Variants in PACS2 observed in about 807,000 individuals in gnomAD.
PACS2 encodes PACS1-like protein.
PACS2 carries 36 observed loss-of-function variants against 113.0 expected under a neutral mutation model. That is an observed-to-expected ratio of 0.32 (90% CI 0.24 to 0.42). The LOEUF is 0.42. PACS2 is among the 10% of genes least tolerant of loss of function. The pLI is 1.00. For synonymous variants in PACS2, 589 were observed against 536.1 expected, an observed-to-expected ratio of 1.10 and a Z score of -1.36; for missense variants, 1,015 against 1,239.5, an observed-to-expected ratio of 0.82 and a Z score of 2.72.
chr14:105,369,200 G>A (rs1357670168), intron 7 of PACS2, among the ~76,000 whole-genome samples: 1 of 152,258 alleles, frequency 6.6e-6, no homozygotes. Context: ...ACGGTGCCAG[G>A]GACGGGCAAG....
At position 105,324,693 on chromosome 14, in the gene PACS2, C is replaced by T. The variant is rs190130702; in HGVS notation, c.119+9656C>T. ...GGTCGTCAGCAGCTCCTCGAGGGCTCCGGCCTGTGGAGGCCGGTGGCGCCC... is the reference window on the plus strand; with the variant it reads ...GGTCGTCAGCAGCTCCTCGAGGGCTTCGGCCTGTGGAGGCCGGTGGCGCCC... On this transcript the variant is annotated intron_variant, in intron 1 of 24. Transcript: ENST00000447393. The surrounding 1 kb of genome is among the most constrained non-coding windows in gnomAD (Gnocchi z 4.7). Among the ~76,000 whole-genome samples the T allele has an allele frequency of 2.0e-3, 297 of 152,286 alleles. 1 individual carries two copies. The highest frequency in any genetic ancestry group is 6.8e-3 in the African/African-American group (284 of 41,568).
Position 105,381,941 on chromosome 14 carries a change from G to A in PACS2, c.1296G>A (p.Arg432=). 1 of 1,550,892 alleles carries A rather than the reference G, an allele frequency of 6.4e-7. No individual in the cohort carries two copies. Among genetic ancestry groups the A allele is most frequent in the Non-Finnish European group, 8.7e-7 (1 of 1,147,146 alleles). ...CCGAGGGGAAGCAGGCTGGCCGACG[G>A]GGCCGGAGCACATCCTTGAAGGAGC... ...TRSEGKQAGR[R]GRSTSLKERQ... is the part of the protein sequence containing the mutation. The change falls in exon 13 of 25, where the codon CGG becomes CGA. Residue 432 remains arginine (R), a synonymous_variant. Transcript: ENST00000447393.
At chr14:105,373,814 T>C (rs1258636215) in intron 8 of PACS2, among the ~76,000 whole-genome samples, 1 of 151,298 alleles carries the variant, frequency 6.6e-6, no homozygotes, top group African/African-American at 2.4e-5. Flanking sequence ...TTTGGACCCC[T>C]ACCTCACACC....
intron 8 of PACS2, 55 bp downstream of exon 8, chr14:105,369,955 C>CAACA (rs2061089972): frequency 6.8e-7 from 1 of 1,459,998 alleles, no homozygotes; most frequent in Non-Finnish European, 9.3e-7. Flanking sequence ...AGCACCTGGT[C>CAACA]GGGAGGAGGC....
In PACS2 at chr14:105,368,493, C is replaced by G; in HGVS notation, c.695C>G (p.Pro232Arg). The G allele has an allele frequency of 6.2e-7, 1 of 1,614,022 alleles. No individual in the cohort carries two copies. The highest frequency in any genetic ancestry group is 8.5e-7 in the Non-Finnish European group (1 of 1,179,938). The part of the protein sequence containing the change: ...LDEDDFDVGK[P>R]KKQRRSIVRT... The stretch of plus-strand genomic sequence containing the variant: ...GAGGACGACTTTGACGTGGGGAAGC[C>G]GAAGAAGCAGCGGAGATCGATTGTA... The change falls in exon 7 of 25, where the codon CCG becomes CGG. Residue 232 changes from proline (P) to arginine (R), a missense_variant. Coordinates refer to ENST00000447393, the MANE Select transcript of PACS2 (RefSeq NM_001100913.3).
chr14:105,303,077 T>C lies in PACS2; in HGVS notation c.-83+2098T>C, dbSNP rs587732877. 7.2e-5 allele frequency among the ~76,000 whole-genome samples: 11 copies of C among 152,200 alleles called. No individual in the cohort carries two copies. In the South Asian group the frequency reaches 2.3e-3, roughly 32 times the overall value. ...CCAAGTAGCTGGAATTACAGGCATG[T>C]GCCACCACGCCCAGCTAATTTTTGT... On this transcript the variant is annotated intron_variant, in intron 1 of 23. Coordinates refer to the PACS2 transcript ENST00000430725.
At chr14:105,350,482 C>G (rs1468748974) in intron 2 of PACS2, among the ~76,000 whole-genome samples, 5 of 152,192 alleles carry the variant, frequency 3.3e-5, no homozygotes, top group Non-Finnish European at 4.4e-5. Flanking sequence ...CCCCACCTCT[C>G]CAGCCCCTCT....
rs1595650729 is a variant in PACS2 at position 105,348,439 on chromosome 14, C to T, written c.120-54C>T. 8 of 1,381,656 alleles carry T rather than the reference C, an allele frequency of 5.8e-6. No homozygotes were observed. The highest frequency in any genetic ancestry group is 4.6e-5 in the East Asian group (2 of 43,694). 85.6% of individuals were successfully genotyped at this position (1,381,656 alleles called of 1,614,324 possible). A position where few individuals can be genotyped will look rare whatever the true frequency, so the allele number is the denominator to read the frequency against. On this transcript the variant is annotated intron_variant, in intron 1 of 24. Coordinates refer to ENST00000447393, the MANE Select transcript of PACS2 (RefSeq NM_001100913.3). The surrounding 1 kb of genome is among the most constrained non-coding windows in gnomAD (Gnocchi z 6.4). ...ACACAGTGCTGGGACGGCACAGGGC[C>T]GCGTCCTGAGGAGAGGGCGGAGCCC...
At position 105,319,336 on chromosome 14, in the gene PACS2, G is replaced by A. The variant is rs371201428; in HGVS notation, c.119+4299G>A. Among the ~76,000 whole-genome samples, 18 of 152,354 alleles carry A rather than the reference G, an allele frequency of 1.2e-4. No individual in the cohort carries two copies. In the South Asian group the frequency reaches 1.2e-3, roughly 11 times the overall value. On this transcript the variant is annotated intron_variant, in intron 1 of 24. Transcript: ENST00000447393. ...GTAGAGCAGGTTGGGGAGAATTGAC[G>A]TTTGTGTGGTACTGAGTCTTCTCAT...
In PACS2 at chr14:105,394,879, G is replaced by C; in HGVS notation, c.*207G>C. On this transcript the variant is annotated 3_prime_UTR_variant, in exon 25 of 25. Transcript: ENST00000447393. ...GCTCTGCTTATTAACCCGAACGTTC[G>C]GCCCGGGGCTGGGAAGCCAGAAGGA... The C allele has an allele frequency of 1.8e-6, 1 of 549,802 alleles. No homozygotes were observed. Among genetic ancestry groups the C allele is most frequent in the South Asian group, 2.1e-5 (1 of 48,588 alleles). 34.1% of individuals were successfully genotyped at this position (549,802 alleles called of 1,614,324 possible).
At chr14:105,393,593 G>GTT (rs1371106566) in intron 24 of PACS2, 1,091 of 306,180 alleles carry the variant, frequency 3.6e-3, no homozygotes, top group Middle Eastern at 5.3e-3. Context: ...TTTTGTTTTG[G>GTT]TTTTTTTTTT....
intron 14 of PACS2, 78 bp downstream of exon 14, chr14:105,382,659 C>A: frequency 9.7e-7 from 1 of 1,029,596 alleles, no homozygotes; most frequent in South Asian, 1.3e-5. Flanking sequence ...GCCCCCTACC[C>A]GGCACACCTG....
chr14:105,319,195 C>A (rs2140824425), intron 1 of PACS2, among the ~76,000 whole-genome samples: 1 of 152,312 alleles, frequency 6.6e-6, no homozygotes, highest in South Asian at 2.1e-4. Flanking sequence ...ATCCGCCCGC[C>A]TTGGCCTCTG....
In PACS2 at chr14:105,381,088, C is replaced by G; in HGVS notation, c.1257C>G (p.Ile419Met). 6.2e-7 allele frequency: 1 copy of G among 1,611,620 alleles called. No individual in the cohort carries two copies. Among genetic ancestry groups the G allele is most frequent in the Non-Finnish European group, 8.5e-7 (1 of 1,179,280 alleles). ...TCACCAAGACAGAGTCCCTTGTCATCCCCTCCACCAGGTGATGGGGGCTGC... is the reference window on the plus strand; with the variant it reads ...TCACCAAGACAGAGTCCCTTGTCATGCCCTCCACCAGGTGATGGGGGCTGC... ...GRITKTESLV[I>M]PSTRSEGKQA... The change falls in exon 12 of 25, where the codon ATC (isoleucine) becomes ATG (methionine). Residue 419 changes from isoleucine (I) to methionine (M), a missense_variant. Coordinates refer to ENST00000447393, the MANE Select transcript of PACS2 (RefSeq NM_001100913.3).
At chr14:105,362,695 A>C (rs1228575359) in intron 4 of PACS2, among the ~76,000 whole-genome samples, 1 of 151,208 alleles carries the variant, frequency 6.6e-6, no homozygotes, top group Non-Finnish European at 1.5e-5. Context: ...TGCTAAAAAT[A>C]TAAAAATTAG....
intron 1 of PACS2, among the ~76,000 whole-genome samples, chr14:105,327,061 T>G (rs1180267607): frequency 6.6e-6 from 1 of 152,192 alleles, no homozygotes; most frequent in Non-Finnish European, 1.5e-5. Flanking sequence ...GAGCTGAGCG[T>G]GGCTTATGTT....
At position 105,365,436 on chromosome 14, in the gene PACS2, AC is replaced by A; in HGVS notation, c.424-1774del. On this transcript the variant is annotated intron_variant, in intron 4 of 24. Transcript: ENST00000447393. The surrounding 1 kb of genome is among the most constrained non-coding windows in gnomAD (Gnocchi z 5.1). ...TGAGTGGAGCGGGGGCTAATCAACA[AC>A]CCGCCCCTGGCCCGCTGCGGGCCCA... Among the ~76,000 whole-genome samples the A allele has an allele frequency of 6.6e-6, 1 of 151,772 alleles. No homozygotes were observed. The highest frequency in any genetic ancestry group is 1.5e-5 in the Non-Finnish European group (1 of 67,872).
In PACS2 at chr14:105,379,588, G is replaced by A. The variant is rs2080907638; in HGVS notation, c.960-151G>A. ...GTGCTGCAGCTGGTGCGAGCGGGGT[G>A]TGCGCTGACACGGGCTCTTCTCTGG... On this transcript the variant is annotated intron_variant, in intron 9 of 24. Transcript: ENST00000447393. 37 of 646,564 alleles carry A rather than the reference G, an allele frequency of 5.7e-5. 1 individual carries two copies. The South Asian group carries it at 6.4e-4, about 11-fold the overall frequency. 40.1% of individuals were successfully genotyped at this position (646,564 alleles called of 1,614,324 possible). A position where few individuals can be genotyped will look rare whatever the true frequency, so the allele number is the denominator to read the frequency against.
rs781921347 is a variant in PACS2 at position 105,391,774 on chromosome 14, T to G, written c.2255+8T>G. On this transcript the variant is annotated splice_region_variant and intron_variant, in intron 22 of 24. Transcript: ENST00000447393. ...AGGCCTGTCCTCCCCCAGGTAAAGG[T>G]GCCTCACGGCTCAGCACGTTTCACT... 6.3e-7 allele frequency: 1 copy of G among 1,588,508 alleles called. No individual in the cohort carries two copies. Among genetic ancestry groups the G allele is most frequent in the Non-Finnish European group, 8.6e-7 (1 of 1,168,704 alleles).
Sources: gnomAD v4.1 joint callset for allele counts (sites outside exome capture counted in the v4.1 genomes callset) on GRCh38, gnomAD v4.1.1 for gene constraint, Gnocchi (gnomAD v3.1) non-coding constraint, MANE v1.5 for transcripts, NCBI Gene and HGNC (gene_info 2026-07-23, HGNC 2026-07-21) for gene names.